The following CYP39A1 variants were observed in gnomAD, a reference collection of about 807,000 sequenced individuals.
The protein encoded by CYP39A1 is 24-hydroxycholesterol 7-alpha-hydroxylase.
Under a neutral mutation model 58.1 loss-of-function variants are expected in CYP39A1, and 49 were observed. The observed-to-expected ratio is 0.84, with a 90% CI of 0.67 to 1.07. The LOEUF (loss-of-function observed/expected upper bound fraction) is 1.07. Ranked by LOEUF, CYP39A1 falls within the 50% of genes least tolerant of loss-of-function variation. The pLI is 0.00. For synonymous variants in CYP39A1, 209 were observed against 187.6 expected, an observed-to-expected ratio of 1.11 and a Z score of -0.93; for missense variants, 531 against 539.4, an observed-to-expected ratio of 0.98 and a Z score of 0.16.
intron 5 of CYP39A1, 73 bp from the exon 6 acceptor site, chr6:46,631,143 T>C: frequency 8.5e-7 from 1 of 1,172,024 alleles, no homozygotes; most frequent in Non-Finnish European, 1.3e-6. Context: ...CAAGAGATCA[T>C]GCCTTTTTCT....
intron 5 of CYP39A1, among the ~76,000 whole-genome samples, chr6:46,634,798 A>G (rs1273583945): frequency 6.6e-6 from 1 of 152,228 alleles, no homozygotes; most frequent in Admixed American, 6.5e-5. Flanking sequence ...CTGGGATTAC[A>G]GGCGTGAGCC....
intron 2 of CYP39A1, 152 bp from the exon 3 acceptor site, chr6:46,639,820 T>G (rs1447487184): frequency 1.5e-6 from 1 of 648,474 alleles, no homozygotes; most frequent in Admixed American, 3.0e-5. Flanking sequence ...AGATAAAGAT[T>G]CAACCTATTC....
chr6:46,610,802 T>TA (rs1774170776), intron 7 of CYP39A1, among the ~76,000 whole-genome samples: 2 of 152,248 alleles, frequency 1.3e-5, no homozygotes, highest in South Asian at 4.1e-4. Context: ...AGGAAGGTGA[T>TA]ATGCCTTTTT....
chr6:46,556,738 T>G (rs1373785549), intron 10 of CYP39A1, among the ~76,000 whole-genome samples: 1 of 152,170 alleles, frequency 6.6e-6, no homozygotes, highest in Non-Finnish European at 1.5e-5. Context: ...AAGTTGTTTT[T>G]CTAAGCAACT....
intron 5 of CYP39A1, among the ~76,000 whole-genome samples, chr6:46,633,950 A>G (rs1199533723): frequency 6.6e-6 from 1 of 152,222 alleles, no homozygotes; most frequent in Non-Finnish European, 1.5e-5. Context: ...CGCAATACAT[A>G]AAAAAATAAA....
At chr6:46,626,251 T>G (rs1775302797) in intron 6 of CYP39A1, among the ~76,000 whole-genome samples, 1 of 152,132 alleles carries the variant, frequency 6.6e-6, no homozygotes, top group Non-Finnish European at 1.5e-5. Context: ...AACTTCCTCC[T>G]CAGGTAAATA....
chr6:46,618,327 C>G (rs1774744219), intron 7 of CYP39A1, among the ~76,000 whole-genome samples: 1 of 152,122 alleles, frequency 6.6e-6, no homozygotes, highest in Non-Finnish European at 1.5e-5. Context: ...ACCTGGATTT[C>G]AACTCAGGCA....
chr6:46,574,900 A>G (rs900335129), intron 10 of CYP39A1, among the ~76,000 whole-genome samples: 1 of 151,826 alleles, frequency 6.6e-6, no homozygotes, highest in Non-Finnish European at 1.5e-5. Flanking sequence ...CTCCCACTGA[A>G]AGAGACTAGA....
At chr6:46,647,161 A>C (rs1386935691) in intron 1 of CYP39A1, among the ~76,000 whole-genome samples, 1 of 152,156 alleles carries the variant, frequency 6.6e-6, no homozygotes, top group Non-Finnish European at 1.5e-5. Flanking sequence ...ATATAAGCAC[A>C]TAGTGATAGA....
At chr6:46,641,777 G>T (rs1776352427) in intron 2 of CYP39A1, among the ~76,000 whole-genome samples, 1 of 152,178 alleles carries the variant, frequency 6.6e-6, no homozygotes, top group African/African-American at 2.4e-5. Context: ...TGGAATTCTA[G>T]TTTCAGGGAC....
intron 7 of CYP39A1, among the ~76,000 whole-genome samples, chr6:46,600,789 T>C (rs1277358420): frequency 2.0e-5 from 3 of 152,200 alleles, no homozygotes; most frequent in African/African-American, 7.2e-5. Flanking sequence ...TTCATGTGTA[T>C]AGTTTCTAAT....
intron 10 of CYP39A1, among the ~76,000 whole-genome samples, chr6:46,585,870 T>C (rs1561966947): frequency 1.3e-5 from 2 of 152,100 alleles, no homozygotes; most frequent in African/African-American, 4.8e-5. Context: ...CCTCTTGAAC[T>C]TGCTGCTAGT....
chr6:46,611,771 T>C (rs1358102828), intron 7 of CYP39A1, among the ~76,000 whole-genome samples: 1 of 152,112 alleles, frequency 6.6e-6, no homozygotes, highest in Non-Finnish European at 1.5e-5. Flanking sequence ...GATAATAATA[T>C]GTGAAATAAA....
intron 7 of CYP39A1, among the ~76,000 whole-genome samples, chr6:46,596,494 T>A (rs190879945): frequency 6.6e-6 from 1 of 152,146 alleles, no homozygotes; most frequent in Non-Finnish European, 1.5e-5. Context: ...AAGACTGACA[T>A]CAAAAGCACA....
intron 1 of CYP39A1, among the ~76,000 whole-genome samples, chr6:46,651,289 CA>C (rs1169745655): frequency 6.6e-6 from 1 of 152,180 alleles, no homozygotes; most frequent in Non-Finnish European, 1.5e-5. Context: ...AGTTTGGCAG[CA>C]ACCTATAAAC....
rs112355061 is a variant in CYP39A1, at chr6:46,566,739, T to C, written c.1251-12885A>G. Among the ~76,000 whole-genome samples, 1,213 of 152,222 alleles carry C rather than the reference T, an allele frequency of 8.0e-3. 20 individuals are homozygous for C. The highest frequency in any genetic ancestry group is 0.028 in the African/African-American group (1,147 of 41,540). On this transcript the variant is annotated intron_variant, in intron 10 of 11. Coordinates refer to ENST00000275016, the MANE Select transcript of CYP39A1 (RefSeq NM_016593.5). ...TACTTGCAAAATAGAAATGATCTTA[T>C]GGCTTATTTTATTTATAGCTCATTG...
At chr6:46,618,231 A>G (rs1774736498) in intron 7 of CYP39A1, among the ~76,000 whole-genome samples, 1 of 152,126 alleles carries the variant, frequency 6.6e-6, no homozygotes, top group Non-Finnish European at 1.5e-5. Context: ...CGAGATGAGG[A>G]TTATTATTAA....
At chr6:46,608,746 C>G (rs548608816) in intron 7 of CYP39A1, among the ~76,000 whole-genome samples, 1 of 152,026 alleles carries the variant, frequency 6.6e-6, no homozygotes, top group Non-Finnish European at 1.5e-5. Context: ...TCCCGAGTAG[C>G]TGGGACTACA....
intron 7 of CYP39A1, among the ~76,000 whole-genome samples, chr6:46,599,562 C>T (rs1773366708): frequency 1.3e-5 from 2 of 152,082 alleles, no homozygotes; most frequent in Admixed American, 1.3e-4. Context: ...TCTGCTCATA[C>T]CAGATGAATC....
Sources: allele counts gnomAD v4.1 joint callset (sites outside exome capture counted in the v4.1 genomes callset), GRCh38; gene constraint gnomAD v4.1.1; transcripts MANE v1.5; gene names NCBI Gene and HGNC (gene_info 2026-07-23, HGNC 2026-07-21).